ATG10: variants seen among roughly 807,000 people sequenced by gnomAD.
ATG10 encodes the protein ubiquitin-like-conjugating enzyme ATG10.
ATG10 carries 30 observed loss-of-function variants against 32.1 expected under a neutral mutation model. The ratio of observed to expected loss-of-function variants is 0.94; its 90% CI spans 0.70 to 1.27. ATG10 has a LOEUF of 1.27. ATG10 is among the 50% of genes most tolerant of loss of function. The pLI is 0.00. For synonymous variants in ATG10, 87 were observed against 91.5 expected (o/e 0.95, Z 0.28); for missense variants, 233 against 262.3 (o/e 0.89, Z 0.77).
intron 5 of ATG10, among the ~76,000 whole-genome samples, chr5:82,187,012 AAT>A (rs960035300): frequency 9.9e-5 from 15 of 152,264 alleles, no homozygotes; most frequent in Admixed American, 3.9e-4. Flanking sequence ...TACATTAAGA[AAT>A]ATATGAAGAA....
intron 3 of ATG10, among the ~76,000 whole-genome samples, chr5:82,151,829 C>G (rs1767608910): frequency 7.2e-6 from 1 of 139,232 alleles, no homozygotes; most frequent in Admixed American, 7.8e-5. Context: ...GAAAGGCATC[C>G]AGAACTTGAA....
At chr5:82,065,830 C>T (rs542153681) in intron 3 of ATG10, among the ~76,000 whole-genome samples, 7 of 151,798 alleles carry the variant, frequency 4.6e-5, no homozygotes, top group East Asian at 3.9e-4. Flanking sequence ...CAATTTTTGA[C>T]GAAAATTAAC....
At chr5:81,981,763 G>A (rs1012103339) in intron 1 of ATG10, among the ~76,000 whole-genome samples, 2 of 152,042 alleles carry the variant, frequency 1.3e-5, no homozygotes, top group East Asian at 1.9e-4. Context: ...TCAAATCAAC[G>A]TCTCCAACTA....
intron 5 of ATG10, among the ~76,000 whole-genome samples, chr5:82,206,494 CA>C (rs1745305563): frequency 6.6e-6 from 1 of 151,672 alleles, no homozygotes; most frequent in African/African-American, 2.4e-5. Flanking sequence ...TAAAAAAATA[CA>C]AAAAATTAGC....
Position 82,088,526 on chromosome 5 carries a change from T to C in ATG10, c.216+29924T>C, listed in dbSNP as rs116398348. Among the ~76,000 whole-genome samples, 995 of 152,246 alleles carry C rather than the reference T, an allele frequency of 6.5e-3. 9 individuals are homozygous for C. Among genetic ancestry groups the C allele is most frequent in the African/African-American group, 0.023 (935 of 41,542 alleles). ...AGGAAAAGCAGAGCTGGGACTAGGG[T>C]GAGGCAAGAGAGACACACTCAACTA... On this transcript the variant is annotated intron_variant, in intron 3 of 7. Coordinates refer to ENST00000282185, the MANE Select transcript of ATG10 (RefSeq NM_031482.5).
intron 1 of ATG10, among the ~76,000 whole-genome samples, chr5:81,977,738 G>A (rs973032394): frequency 5.3e-5 from 8 of 152,086 alleles, no homozygotes; most frequent in Non-Finnish European, 1.0e-4. Flanking sequence ...CATGTGTTCA[G>A]AACTCCAAGT....
chr5:81,989,128 C>T (rs928678812), intron 2 of ATG10, among the ~76,000 whole-genome samples: 1 of 152,226 alleles, frequency 6.6e-6, no homozygotes, highest in Non-Finnish European at 1.5e-5. Flanking sequence ...CACACTTGGC[C>T]TCTGTCAAAA....
intron 3 of ATG10, among the ~76,000 whole-genome samples, chr5:82,133,480 A>G (rs1272858264): frequency 6.6e-6 from 1 of 152,108 alleles, no homozygotes; most frequent in South Asian, 2.1e-4. Context: ...GGAATAGGGA[A>G]TCTTTTCCCT....
intron 6 of ATG10, 21 bp downstream of exon 6, chr5:82,252,680 A>T: frequency 7.1e-7 from 1 of 1,404,138 alleles, no homozygotes; most frequent in Non-Finnish European, 9.9e-7. Flanking sequence ...CCATCAAGAT[A>T]CATTGGCTTC....
At chr5:82,032,030 T>A (rs1762755896) in intron 2 of ATG10, among the ~76,000 whole-genome samples, 1 of 152,234 alleles carries the variant, frequency 6.6e-6, no homozygotes, top group South Asian at 2.1e-4. Flanking sequence ...CCAGAGTATG[T>A]AGCCAAAAGT....
At chr5:82,064,200 A>T (rs992327628) in intron 3 of ATG10, among the ~76,000 whole-genome samples, 1 of 152,226 alleles carries the variant, frequency 6.6e-6, no homozygotes, top group African/African-American at 2.4e-5. Flanking sequence ...TTTTCATTTC[A>T]ACCATCGCTG....
At chr5:82,000,605 C>T (rs963133611) in intron 2 of ATG10, among the ~76,000 whole-genome samples, 2 of 152,204 alleles carry the variant, frequency 1.3e-5, no homozygotes, top group Non-Finnish European at 2.9e-5. Flanking sequence ...ATCTAATAAA[C>T]AACTTCACCA....
chr5:81,990,981 A>G (rs914275972), intron 2 of ATG10, among the ~76,000 whole-genome samples: 3 of 152,240 alleles, frequency 2.0e-5, no homozygotes, highest in African/African-American at 7.2e-5. Context: ...AGTGATGCCC[A>G]ATGGGATGGT....
intron 4 of ATG10, among the ~76,000 whole-genome samples, chr5:82,168,988 T>G (rs966896932): frequency 1.3e-5 from 2 of 151,984 alleles, no homozygotes; most frequent in Non-Finnish European, 2.9e-5. Flanking sequence ...TTGGGTTTCT[T>G]GAAGAGGTTA....
intron 1 of ATG10, among the ~76,000 whole-genome samples, chr5:81,973,497 T>A (rs552868366): frequency 2.0e-4 from 31 of 152,358 alleles, no homozygotes; most frequent in Admixed American, 1.8e-3. Context: ...GCTCAGTTCC[T>A]GAAATGCTTT....
intron 3 of ATG10, among the ~76,000 whole-genome samples, chr5:82,064,791 A>G (rs1012676338): frequency 1.3e-5 from 2 of 152,186 alleles, no homozygotes; most frequent in African/African-American, 4.8e-5. Flanking sequence ...AATAATAACA[A>G]TAACAATATT....
intron 1 of ATG10, among the ~76,000 whole-genome samples, chr5:81,979,163 G>T (rs1041072320): frequency 6.6e-6 from 1 of 152,062 alleles, no homozygotes; most frequent in Non-Finnish European, 1.5e-5. Context: ...GCTTCCCAAA[G>T]TGCTGGGATT....
chr5:82,108,711 T>C (rs960507545), intron 3 of ATG10, among the ~76,000 whole-genome samples: 3 of 152,020 alleles, frequency 2.0e-5, no homozygotes, highest in Non-Finnish European at 4.4e-5. Flanking sequence ...AAGGATGGAA[T>C]GTGCATCAGA....
At chr5:82,013,584 G>A (rs752930843) in intron 2 of ATG10, among the ~76,000 whole-genome samples, 11 of 152,048 alleles carry the variant, frequency 7.2e-5, no homozygotes, top group Non-Finnish European at 1.0e-4. Flanking sequence ...ATCCCCACAC[G>A]TTTTCCATAG....
Sources: allele counts gnomAD v4.1 joint callset (sites outside exome capture counted in the v4.1 genomes callset), GRCh38; gene constraint gnomAD v4.1.1; transcripts MANE v1.5; gene names NCBI Gene and HGNC (gene_info 2026-07-23, HGNC 2026-07-21).